ABI3BP: variants seen among roughly 807,000 people sequenced by gnomAD.
The protein encoded by ABI3BP is target of Nesh-SH3.
A neutral mutation model predicts 268.6 loss-of-function variants in ABI3BP; 216 were observed. The observed-to-expected ratio is 0.80, with a 90% CI of 0.72 to 0.90. The LOEUF is 0.90. ABI3BP is among the 40% of genes least tolerant of loss of function. ABI3BP has a pLI of 0.00. For synonymous variants in ABI3BP, 730 were observed against 730.0 expected (o/e 1.00, Z 0.00); for missense variants, 2,090 against 2,182.4 (o/e 0.96, Z 0.84).
At chr3:100,851,293 T>G (rs1052170595) in intron 15 of ABI3BP, among the ~76,000 whole-genome samples, 1 of 152,188 alleles carries the variant, frequency 6.6e-6, no homozygotes, top group Non-Finnish European at 1.5e-5. Context: ...TTAGACCCAA[T>G]TGAACTGCTA....
At chr3:100,840,204 G>T in intron 22 of ABI3BP, 40 bp from the exon 23 acceptor site, 1 of 1,416,446 alleles carries the variant, frequency 7.1e-7, no homozygotes, top group Non-Finnish European at 9.5e-7. Flanking sequence ...AAGAAGGGTG[G>T]ATTTACAAAC....
At chr3:100,780,460 A>C (rs962812633) in intron 57 of ABI3BP, among the ~76,000 whole-genome samples, 17 of 152,170 alleles carry the variant, frequency 1.1e-4, no homozygotes, top group Admixed American at 9.2e-4. Flanking sequence ...ATCTTTCATG[A>C]AACTCATCCT....
chr3:100,749,772 A>G lies in ABI3BP; in HGVS notation c.*723T>C. On this transcript the variant is annotated 3_prime_UTR_variant, in exon 68 of 68. Coordinates refer to ENST00000471714, the MANE Select transcript of ABI3BP (RefSeq NM_001375547.2). ...GCATAAAGGGATAGTTTGACAAAGCATATTCAGATATTGTAACATTTATGG... is the reference window on the plus strand; with the variant it reads ...GCATAAAGGGATAGTTTGACAAAGCGTATTCAGATATTGTAACATTTATGG... 1 of 398,196 alleles carries G rather than the reference A, an allele frequency of 2.5e-6. No individual in the cohort carries two copies. Among genetic ancestry groups the G allele is most frequent in the Non-Finnish European group, 4.4e-6 (1 of 225,668 alleles). The allele number at this position is 398,196 out of a possible 1,614,324, so 24.7% of individuals were successfully genotyped here. A position where few individuals can be genotyped will look rare whatever the true frequency, so the allele number is the denominator to read the frequency against.
intron 1 of ABI3BP, among the ~76,000 whole-genome samples, chr3:100,943,703 A>G (rs570148053): frequency 6.6e-6 from 1 of 152,212 alleles, no homozygotes; most frequent in Admixed American, 6.6e-5. Flanking sequence ...TGTCTTGATG[A>G]TATATCAGTT....
intron 58 of ABI3BP, 120 bp from the exon 59 acceptor site, chr3:100,778,496 A>G (rs986064249): frequency 2.4e-6 from 2 of 824,662 alleles, no homozygotes; most frequent in South Asian, 3.6e-5. Flanking sequence ...TGGATGACAG[A>G]GAATAGATTC....
At chr3:100,828,512 G>C in intron 33 of ABI3BP, 60 bp from the exon 34 acceptor site, 1 of 1,422,606 alleles carries the variant, frequency 7.0e-7, no homozygotes. Context: ...TAAAAACTCA[G>C]AACATTCAAA....
intron 6 of ABI3BP, among the ~76,000 whole-genome samples, chr3:100,879,664 C>T (rs1037057152): frequency 2.6e-5 from 4 of 152,180 alleles, no homozygotes; most frequent in Non-Finnish European, 4.4e-5. Flanking sequence ...CAGTTACAGA[C>T]CAGTGTCCAG....
At chr3:100,921,155 G>T (rs1372401897) in intron 2 of ABI3BP, among the ~76,000 whole-genome samples, 1 of 152,194 alleles carries the variant, frequency 6.6e-6, no homozygotes, top group African/African-American at 2.4e-5. Context: ...GAGAACACGA[G>T]AATTAAAACA....
intron 1 of ABI3BP, among the ~76,000 whole-genome samples, chr3:100,959,542 A>G (rs929557614): frequency 6.6e-6 from 1 of 151,910 alleles, no homozygotes; most frequent in Non-Finnish European, 1.5e-5. Flanking sequence ...AACAACAAAA[A>G]GATTCCTCAA....
At chr3:100,825,965 G>A in intron 34 of ABI3BP, 121 bp from the exon 35 acceptor site, 1 of 749,906 alleles carries the variant, frequency 1.3e-6, no homozygotes, top group East Asian at 2.7e-5. Flanking sequence ...TTCTGGGAAG[G>A]GCATTAGGAC....
rs2098842274 is a variant in ABI3BP at position 100,851,792 on chromosome 3, T to A, written c.1351+83A>T. 7 of 1,209,724 alleles carry A rather than the reference T, an allele frequency of 5.8e-6. No homozygotes were observed. The South Asian group carries it at 8.6e-5, about 15-fold the overall frequency. 74.9% of individuals were successfully genotyped at this position (1,209,724 alleles called of 1,614,324 possible). A position where few individuals can be genotyped will look rare whatever the true frequency, so the allele number is the denominator to read the frequency against. On this transcript the variant is annotated intron_variant, in intron 15 of 67. Coordinates refer to ENST00000471714, the MANE Select transcript of ABI3BP (RefSeq NM_001375547.2). ...TGCAGAGCTCCAGAGGATACAATTT[T>A]CCACTCTGCAAAAACTAAAGGAAGA...
intron 57 of ABI3BP, among the ~76,000 whole-genome samples, chr3:100,782,401 G>C (rs1194227889): frequency 6.6e-6 from 1 of 152,108 alleles, no homozygotes; most frequent in African/African-American, 2.4e-5. Flanking sequence ...TATGTAGGTG[G>C]AGACAGAGGC....
rs2095248186 is a variant in ABI3BP, at chr3:100,750,442, T to A, written c.*53A>T. ...GCTTTAAATGAATGCGGCATAGTATTTTCAATGATTTTTGTTTGCAATGAT... is the reference window on the plus strand; with the variant it reads ...GCTTTAAATGAATGCGGCATAGTATATTCAATGATTTTTGTTTGCAATGAT... On this transcript the variant is annotated 3_prime_UTR_variant, in exon 68 of 68. Coordinates refer to ENST00000471714, the MANE Select transcript of ABI3BP (RefSeq NM_001375547.2). 7.1e-7 allele frequency: 1 copy of A among 1,400,430 alleles called. No individual in the cohort carries two copies. Among genetic ancestry groups the A allele is most frequent in the South Asian group, 1.2e-5 (1 of 84,766 alleles). The allele number at this position is 1,400,430 out of a possible 1,614,324, so 86.8% of individuals were successfully genotyped here.
intron 3 of ABI3BP, 50 bp downstream of exon 3, chr3:100,902,568 C>A: frequency 6.4e-7 from 1 of 1,567,114 alleles, no homozygotes; most frequent in South Asian, 1.1e-5. Context: ...GATGAAAAGT[C>A]ATGGTTCAAA....
At chr3:100,862,424 T>C in intron 13 of ABI3BP, 39 bp from the exon 14 acceptor site, 1 of 1,475,286 alleles carries the variant, frequency 6.8e-7, no homozygotes. Context: ...AAGATTTTTT[T>C]TTTTTTTAAC....
At chr3:100,979,741 T>C (rs2088288803) in intron 1 of ABI3BP, among the ~76,000 whole-genome samples, 1 of 152,216 alleles carries the variant, frequency 6.6e-6, no homozygotes, top group Non-Finnish European at 1.5e-5. Flanking sequence ...AAATAGATGT[T>C]TGCACTGAAT....
chr3:100,824,835 A>G lies in ABI3BP; in HGVS notation c.2746+23T>C, dbSNP rs965076519. 3 of 1,528,128 alleles carry G rather than the reference A, an allele frequency of 2.0e-6. No homozygotes were observed. The African/African-American group carries it at 4.1e-5, about 21-fold the overall frequency. 94.7% of individuals were successfully genotyped at this position (1,528,128 alleles called of 1,614,324 possible). ...CGACAGGCTGCCAGGGATCACCCTT[A>G]AACCAAGGAATCACAGATTTACCAG... is the stretch of plus-strand genomic sequence containing the variant. On this transcript the variant is annotated intron_variant, in intron 36 of 67. Coordinates refer to ENST00000471714, the MANE Select transcript of ABI3BP (RefSeq NM_001375547.2).
intron 49 of ABI3BP, 89 bp from the exon 50 acceptor site, chr3:100,808,324 T>A: frequency 1.1e-6 from 1 of 935,492 alleles, no homozygotes; most frequent in Non-Finnish European, 1.6e-6. Flanking sequence ...GTTTACTGAG[T>A]GATTGAAGAC....
chr3:100,871,260 T>C (rs1446412239), intron 9 of ABI3BP, among the ~76,000 whole-genome samples: 2 of 152,026 alleles, frequency 1.3e-5, no homozygotes, highest in South Asian at 2.1e-4. Flanking sequence ...GGTACACATA[T>C]AAAAAAAACT....
Sources: allele counts gnomAD v4.1 joint callset (sites outside exome capture counted in the v4.1 genomes callset), GRCh38; gene constraint gnomAD v4.1.1; transcripts MANE v1.5; gene names NCBI Gene and HGNC (gene_info 2026-07-23, HGNC 2026-07-21).